HDAC9: variants seen among roughly 807,000 people sequenced by gnomAD.
HDAC9 encodes MEF-2 interacting transcription repressor (MITR) protein.
HDAC9 carries 41 observed loss-of-function variants against 139.4 expected under a neutral mutation model. The ratio of observed to expected loss-of-function variants is 0.29; its 90% CI spans 0.23 to 0.38. The LOEUF (loss-of-function observed/expected upper bound fraction) is 0.38, where lower values mean the gene tolerates loss of function less well. Ranked by LOEUF, HDAC9 falls within the 10% of genes least tolerant of loss-of-function variation. HDAC9 has a pLI of 1.00. For missense variants in HDAC9, 1,147 were observed against 1,297.0 expected (o/e 0.88, Z 1.78); for synonymous variants, 517 against 476.2 (o/e 1.09, Z -1.12).
intron 15 of HDAC9, among the ~76,000 whole-genome samples, chr7:18,763,123 A>G (rs1464154033): frequency 6.6e-6 from 1 of 152,220 alleles, no homozygotes; most frequent in Admixed American, 6.5e-5. Context: ...GTATTGTGTC[A>G]GCTCTAAGTT....
intron 1 of HDAC9, among the ~76,000 whole-genome samples, chr7:18,093,109 C>T (rs1212989863): frequency 1.3e-5 from 2 of 152,168 alleles, no homozygotes; most frequent in African/African-American, 2.4e-5. Flanking sequence ...ATTGAACACA[C>T]CCTGTGCTCT....
rs139840872 is a variant in HDAC9 at position 18,942,370 on chromosome 7, C to T, written c.2937+6428C>T. ...GTGGATGGCTCTGTTTGGATTTGTT[C>T]GTTTTGTTTTTGGTAGAGGAGAGGT... On this transcript the variant is annotated intron_variant, in intron 23 of 25. Coordinates refer to ENST00000686413, the MANE Select transcript of HDAC9 (RefSeq NM_178425.4). 9.4e-4 allele frequency among the ~76,000 whole-genome samples: 143 copies of T among 151,878 alleles called. 1 individual carries two copies. In the Middle Eastern group the frequency reaches 0.01, roughly 11 times the overall value.
chr7:18,501,868 G>A (rs1347109073), intron 2 of HDAC9, among the ~76,000 whole-genome samples: 2 of 152,146 alleles, frequency 1.3e-5, no homozygotes, highest in African/African-American at 4.8e-5. Flanking sequence ...AGGTATATTA[G>A]TTAGGTTGTT....
intron 1 of HDAC9, among the ~76,000 whole-genome samples, chr7:18,442,704 A>C (rs970139004): frequency 1.3e-5 from 2 of 152,082 alleles, no homozygotes; most frequent in Non-Finnish European, 2.9e-5. Flanking sequence ...TACAATATCT[A>C]TTTGTAATTC....
At chr7:18,326,743 C>A (rs549499293) in intron 1 of HDAC9, among the ~76,000 whole-genome samples, 23 of 152,044 alleles carry the variant, frequency 1.5e-4, no homozygotes, top group African/African-American at 5.5e-4. Context: ...TGTTTTGGTG[C>A]ACATCTATCT....
chr7:18,613,388 T>C (rs923736263), intron 6 of HDAC9, among the ~76,000 whole-genome samples: 3 of 151,996 alleles, frequency 2.0e-5, no homozygotes, highest in African/African-American at 7.2e-5. Flanking sequence ...GGCTGGAAGT[T>C]GTGGTCACTC....
chr7:18,462,780 C>T (rs1367537419), intron 1 of HDAC9, among the ~76,000 whole-genome samples: 2 of 151,942 alleles, frequency 1.3e-5, no homozygotes, highest in Non-Finnish European at 2.9e-5. Flanking sequence ...TTACTTACCA[C>T]TTTACTCTTG....
chr7:18,365,492 T>A (rs1472661578), intron 1 of HDAC9, among the ~76,000 whole-genome samples: 1 of 152,122 alleles, frequency 6.6e-6, no homozygotes, highest in African/African-American at 2.4e-5. Flanking sequence ...TAAAGAACTA[T>A]AACATGAAAG....
chr7:18,766,785 A>G (rs55641428), intron 15 of HDAC9, among the ~76,000 whole-genome samples: 4,524 of 152,308 alleles, frequency 0.03, 205 homozygotes, highest in African/African-American at 0.096. Flanking sequence ...GTAATGTATA[A>G]TATAGACATG....
intron 24 of HDAC9, among the ~76,000 whole-genome samples, chr7:18,960,415 C>A (rs1783452426): frequency 6.6e-6 from 1 of 152,020 alleles, no homozygotes; most frequent in South Asian, 2.1e-4. Flanking sequence ...TCTTATTCGT[C>A]CTCCTCTTCC....
At chr7:18,433,646 A>G (rs1790893266) in intron 1 of HDAC9, among the ~76,000 whole-genome samples, 1 of 152,118 alleles carries the variant, frequency 6.6e-6, no homozygotes, top group Non-Finnish European at 1.5e-5. Context: ...GAACCAAATC[A>G]AGATCTCAGT....
intron 1 of HDAC9, among the ~76,000 whole-genome samples, chr7:18,437,703 A>C (rs1194740767): frequency 3.3e-5 from 5 of 151,808 alleles, no homozygotes; most frequent in Non-Finnish European, 5.9e-5. Flanking sequence ...AACTGTTAGC[A>C]TCATCACTGT....
chr7:18,678,462 AGAGTAGACTGCTT>A (rs1046305663), intron 12 of HDAC9, among the ~76,000 whole-genome samples: 1 of 151,810 alleles, frequency 6.6e-6, no homozygotes, highest in African/African-American at 2.4e-5. Flanking sequence ...AGTTACACAT[AGAGTAGACTGCTT>A]GATACTGTCT....
At chr7:18,106,402 C>CA (rs1205093472) in intron 1 of HDAC9, among the ~76,000 whole-genome samples, 1 of 152,138 alleles carries the variant, frequency 6.6e-6, no homozygotes, top group Non-Finnish European at 1.5e-5. Flanking sequence ...TGCTAATCTA[C>CA]AAACTCTTCC....
intron 12 of HDAC9, among the ~76,000 whole-genome samples, chr7:18,706,248 TA>T (rs1217114712): frequency 1.7e-5 from 2 of 116,422 alleles, no homozygotes; most frequent in African/African-American, 6.5e-5. Context: ...TTTGCGTAAT[TA>T]AGTTTCCATA....
At chr7:18,685,822 C>T (rs919185947) in intron 12 of HDAC9, among the ~76,000 whole-genome samples, 7 of 151,676 alleles carry the variant, frequency 4.6e-5, no homozygotes, top group African/African-American at 1.2e-4. Context: ...GCAGAAATAG[C>T]GTGTGCCAGT....
At chr7:18,221,968 A>T (rs923063332) in intron 2 of HDAC9, among the ~76,000 whole-genome samples, 3 of 152,234 alleles carry the variant, frequency 2.0e-5, no homozygotes, top group African/African-American at 4.8e-5. Flanking sequence ...TTCATTAATG[A>T]AAAAAGAATG....
At chr7:18,303,440 G>A (rs1172236473) in intron 1 of HDAC9, among the ~76,000 whole-genome samples, 1 of 146,444 alleles carries the variant, frequency 6.8e-6, no homozygotes, top group Non-Finnish European at 1.5e-5. Context: ...GTAGAGATGG[G>A]GTTTCACCGT....
chr7:18,100,363 A>G (rs1782767629), intron 1 of HDAC9, among the ~76,000 whole-genome samples: 1 of 152,130 alleles, frequency 6.6e-6, no homozygotes, highest in Non-Finnish European at 1.5e-5. Context: ...TTTGAAAAAA[A>G]AGTTAGTCAT....
Sources: allele counts gnomAD v4.1 joint callset (sites outside exome capture counted in the v4.1 genomes callset), GRCh38; gene constraint gnomAD v4.1.1; transcripts MANE v1.5; gene names NCBI Gene and HGNC (gene_info 2026-07-23, HGNC 2026-07-21).